CTNNA2: variants seen among roughly 807,000 people sequenced by gnomAD.
The protein encoded by CTNNA2 is catenin alpha 2, also known as catenin alpha-2.
Under a neutral mutation model 101.0 loss-of-function variants are expected in CTNNA2, and 42 were observed. The observed-to-expected ratio is 0.42, with a 90% CI of 0.32 to 0.54. The LOEUF (loss-of-function observed/expected upper bound fraction) is 0.54, where lower values mean the gene tolerates loss of function less well. CTNNA2 is among the 20% of genes least tolerant of loss of function. CTNNA2 has a pLI of 0.14. For missense variants in CTNNA2, 871 were observed against 1,223.1 expected (o/e 0.71, Z 4.29); for synonymous variants, 450 against 456.4 (o/e 0.99, Z 0.18).
chr2:79,426,473 T>C (rs1678593162), intron 4 of CTNNA2, among the ~76,000 whole-genome samples: 1 of 152,280 alleles, frequency 6.6e-6, no homozygotes, highest in African/African-American at 2.4e-5. Flanking sequence ...GAGTAGTCTC[T>C]TAATATGCTC....
At chr2:80,507,462 T>G (rs544028017) in intron 9 of CTNNA2, among the ~76,000 whole-genome samples, 3 of 152,322 alleles carry the variant, frequency 2.0e-5, no homozygotes, top group East Asian at 3.9e-4. Context: ...CCTCGATGTT[T>G]CAAGAGAAAA....
In CTNNA2 at chr2:79,376,252, G is replaced by A. The variant is rs1677973428; in HGVS notation, c.-135+2239G>A. 2.0e-5 allele frequency among the ~76,000 whole-genome samples: 3 copies of A among 152,242 alleles called. 1 individual carries two copies. The South Asian group carries it at 6.2e-4, about 32-fold the overall frequency. On this transcript the variant is annotated intron_variant, in intron 4 of 21. Coordinates refer to the CTNNA2 transcript ENST00000466387. The stretch of plus-strand genomic sequence containing the variant: ...GCCAAGGAAAAAAGAGCATTACAAA[G>A]AGAGAGTGCTTGCAGAAATGAGTAG...
intron 7 of CTNNA2, among the ~76,000 whole-genome samples, chr2:80,350,423 T>C (rs1246859250): frequency 6.6e-6 from 1 of 152,220 alleles, no homozygotes; most frequent in Non-Finnish European, 1.5e-5. Flanking sequence ...AGATTTCTTA[T>C]GCTTACTGCA....
intron 3 of CTNNA2, among the ~76,000 whole-genome samples, chr2:79,335,615 G>A (rs1215812498): frequency 1.3e-5 from 2 of 152,110 alleles, no homozygotes; most frequent in African/African-American, 2.4e-5. Flanking sequence ...AAAATTTCTA[G>A]ACATAAAAAT....
At chr2:80,547,338 A>T (rs1426055826) in intron 11 of CTNNA2, among the ~76,000 whole-genome samples, 2 of 152,116 alleles carry the variant, frequency 1.3e-5, no homozygotes, top group Non-Finnish European at 2.9e-5. Context: ...AAATTCTATA[A>T]AATAGGTACT....
At chr2:79,822,866 G>T (rs1245281888) in intron 3 of CTNNA2, among the ~76,000 whole-genome samples, 1 of 152,084 alleles carries the variant, frequency 6.6e-6, no homozygotes, top group Non-Finnish European at 1.5e-5. Context: ...TGATCTGCCT[G>T]CTCTCCCTCC....
chr2:80,497,396 C>A (rs1420055183), intron 9 of CTNNA2, among the ~76,000 whole-genome samples: 5 of 152,188 alleles, frequency 3.3e-5, no homozygotes, highest in Non-Finnish European at 5.9e-5. Context: ...CTCCAGAATT[C>A]TCAAAGAGAA....
intron 8 of CTNNA2, among the ~76,000 whole-genome samples, chr2:80,397,223 C>T (rs1321521224): frequency 6.6e-6 from 1 of 152,178 alleles, no homozygotes; most frequent in Non-Finnish European, 1.5e-5. Context: ...AAATCACTGT[C>T]CATAAAATGT....
chr2:79,958,778 T>TG (rs1689423061), intron 7 of CTNNA2, among the ~76,000 whole-genome samples: 4 of 152,014 alleles, frequency 2.6e-5, no homozygotes, highest in African/African-American at 9.6e-5. Context: ...TGATCTCATT[T>TG]TTTTTTCTTT....
intron 2 of CTNNA2, among the ~76,000 whole-genome samples, chr2:79,705,316 G>A (rs564867113): frequency 6.6e-6 from 1 of 152,286 alleles, no homozygotes; most frequent in African/African-American, 2.4e-5. Context: ...GAGAGAGCGA[G>A]AAAGAGAGAC....
At chr2:79,930,521 A>G (rs2860369) in intron 7 of CTNNA2, among the ~76,000 whole-genome samples, 133,411 of 151,988 alleles carry the variant, frequency 0.88, 58,912 homozygotes, top group East Asian at 0.95. Context: ...TTGCGAAATA[A>G]GGATTGCATT....
intron 7 of CTNNA2, among the ~76,000 whole-genome samples, chr2:79,994,918 A>G (rs757477481): frequency 2.6e-5 from 4 of 152,104 alleles, no homozygotes; most frequent in Admixed American, 6.5e-5. Context: ...TGCCCAGTAA[A>G]TTCAAGCCAC....
chr2:80,051,770 G>C (rs1253110553), intron 7 of CTNNA2, among the ~76,000 whole-genome samples: 2 of 152,034 alleles, frequency 1.3e-5, no homozygotes, highest in Non-Finnish European at 2.9e-5. Flanking sequence ...AAAGACAATG[G>C]CTGCATTTCA....
At chr2:80,114,661 A>G (rs547552200) in intron 7 of CTNNA2, among the ~76,000 whole-genome samples, 2 of 152,354 alleles carry the variant, frequency 1.3e-5, no homozygotes, top group African/African-American at 2.4e-5. Context: ...GGAGTTGGAT[A>G]GAAGCTACAT....
At chr2:80,365,922 C>CG (rs1258151335) in intron 7 of CTNNA2, among the ~76,000 whole-genome samples, 12 of 152,116 alleles carry the variant, frequency 7.9e-5, no homozygotes, top group Admixed American at 7.2e-4. Flanking sequence ...GCTTGCCCCT[C>CG]GGGGCCTGCT....
In CTNNA2 at chr2:80,302,170, G is replaced by C; in HGVS notation, c.1057-91041G>C. 1 of 1,526,060 alleles carries C rather than the reference G, an allele frequency of 6.6e-7. No individual in the cohort carries two copies. The highest frequency in any genetic ancestry group is 1.9e-5 in the Admixed American group (1 of 51,912). 94.5% of individuals were successfully genotyped at this position (1,526,060 alleles called of 1,614,324 possible). A position where few individuals can be genotyped will look rare whatever the true frequency, so the allele number is the denominator to read the frequency against. On this transcript the variant is annotated intron_variant, in intron 7 of 18. Coordinates refer to ENST00000402739, the MANE Select transcript of CTNNA2 (RefSeq NM_001282597.3). This position sits in a 1 kb window ranked among gnomAD's most constrained non-coding sequence, Gnocchi z 6.4. ...GAGCATATCAGAGCACAGACAAGGA[G>C]ACCCCAGCCTGGTGCCCGCCGGCCC...
intron 9 of CTNNA2, among the ~76,000 whole-genome samples, chr2:80,538,406 G>T (rs929007561): frequency 4.6e-5 from 7 of 152,148 alleles, no homozygotes; most frequent in Non-Finnish European, 7.4e-5. Flanking sequence ...TTTGTATAAG[G>T]TGTAAGGAAG....
chr2:79,334,203 T>G (rs1676939516), intron 3 of CTNNA2, among the ~76,000 whole-genome samples: 1 of 152,310 alleles, frequency 6.6e-6, no homozygotes, highest in African/African-American at 2.4e-5. Context: ...GCTATACTTT[T>G]GTATCTGCCA....
chr2:79,471,483 C>G (rs80202921), intron 4 of CTNNA2, among the ~76,000 whole-genome samples: 3,612 of 152,164 alleles, frequency 0.024, 62 homozygotes, highest in Non-Finnish European at 0.039. Flanking sequence ...GGCACTTATC[C>G]CATTCATGAT....
Sources: gnomAD v4.1 joint callset for allele counts (sites outside exome capture counted in the v4.1 genomes callset) on GRCh38, gnomAD v4.1.1 for gene constraint, Gnocchi (gnomAD v3.1) non-coding constraint, MANE v1.5 for transcripts, NCBI Gene and HGNC (gene_info 2026-07-23, HGNC 2026-07-21) for gene names.